WDR33: variants seen among roughly 807,000 people sequenced by gnomAD.
The protein encoded by WDR33 is WD repeat domain 33, also known as pre-mRNA 3' end processing protein WDR33.
WDR33 carries 47 observed loss-of-function variants against 164.9 expected under a neutral mutation model. The ratio of observed to expected loss-of-function variants is 0.29; its 90% CI spans 0.23 to 0.36. WDR33 has a LOEUF of 0.36. WDR33 is among the 10% of genes least tolerant of loss of function. WDR33 has a pLI of 1.00. For missense variants in WDR33, 1,137 were observed against 1,754.1 expected (o/e 0.65, Z 6.28); for synonymous variants, 505 against 589.0 (o/e 0.86, Z 2.06).
chr2:127,720,132 G>C lies in WDR33; in HGVS notation c.1893C>G (p.Pro631=). ...GACCTTGTGGTCCCATTTGTCCCTG[G>C]GGTCCAGGAGGCCTAAACTGTCCCT... ...GPQGQFRPPG[P]QGQMGPQGPP... is the part of the protein sequence containing the mutation. Residue 631 remains proline (P), a synonymous_variant, in exon 16 of 22, where the codon CCC becomes CCG. Transcript: ENST00000322313. This position sits in a 1 kb window ranked among gnomAD's most constrained non-coding sequence, Gnocchi z 5.9. The C allele has an allele frequency of 6.2e-7, 1 of 1,614,106 alleles. No individual in the cohort carries two copies. Among genetic ancestry groups the C allele is most frequent in the South Asian group, 1.1e-5 (1 of 91,080 alleles).
intron 7 of WDR33, among the ~76,000 whole-genome samples, chr2:127,755,519 A>C (rs1687493458): frequency 6.6e-6 from 1 of 152,224 alleles, no homozygotes; most frequent in African/African-American, 2.4e-5. Context: ...TTAAAAAAAT[A>C]GGATTATTTT....
intron 7 of WDR33, among the ~76,000 whole-genome samples, chr2:127,729,642 C>T (rs1314236097): frequency 6.6e-6 from 1 of 151,988 alleles, no homozygotes. Flanking sequence ...ACTACAGGCG[C>T]CCACCACCAC....
chr2:127,769,078 T>A, intron 2 of WDR33, 77 bp from the exon 3 acceptor site: 1 of 858,544 alleles, frequency 1.2e-6, no homozygotes, highest in Non-Finnish European at 1.5e-6. Context: ...ATACTCAATT[T>A]GAAATTAACA....
intron 7 of WDR33, among the ~76,000 whole-genome samples, chr2:127,761,822 C>G (rs1269892071): frequency 6.6e-6 from 1 of 152,182 alleles, no homozygotes; most frequent in East Asian, 1.9e-4. Flanking sequence ...TGAGTAAACT[C>G]CCTCAATGTG....
chr2:127,711,768 A>ATTTT lies in WDR33; in HGVS notation c.3308+1814_3308+1815insAAAA, dbSNP rs1441301170. Among the ~76,000 whole-genome samples, 435 of 70,216 alleles carry ATTTT rather than the reference A, an allele frequency of 6.2e-3. 9 individuals are homozygous for ATTTT. The highest frequency in any genetic ancestry group is 9.8e-3 in the Middle Eastern group (1 of 102). The allele number at this position is 70,216 out of a possible 152,430, so 46.1% of individuals were successfully genotyped here. On this transcript the variant is annotated intron_variant, in intron 18 of 21. Coordinates refer to ENST00000322313, the MANE Select transcript of WDR33 (RefSeq NM_018383.5). ...CATATACAGATATATATATATATAT[A>ATTTT]TATATATATATATTTTTTTTTTGAG...
chr2:127,731,093 G>T (rs1292456126), intron 7 of WDR33, among the ~76,000 whole-genome samples: 1 of 151,752 alleles, frequency 6.6e-6, no homozygotes, highest in Non-Finnish European at 1.5e-5. Context: ...CAGAAGTTTT[G>T]AGACCAGCCT....
intron 7 of WDR33, among the ~76,000 whole-genome samples, chr2:127,747,106 T>C (rs969634207): frequency 6.6e-6 from 1 of 152,226 alleles, no homozygotes; most frequent in Non-Finnish European, 1.5e-5. Context: ...CAAGGCACTT[T>C]AACCAAGAGA....
At position 127,720,195 on chromosome 2, in the gene WDR33, C is replaced by T; in HGVS notation, c.1830G>A (p.Met610Ile). 6.2e-7 allele frequency: 1 copy of T among 1,611,934 alleles called. No homozygotes were observed. Among genetic ancestry groups the T allele is most frequent in the Non-Finnish European group, 8.5e-7 (1 of 1,179,128 alleles). ...GCCCCATTTGAGCCATGTTCATTGGCATCTGCTGAGATGGATGGGGCTGTT... is the reference window on the plus strand; with the variant it reads ...GCCCCATTTGAGCCATGTTCATTGGTATCTGCTGAGATGGATGGGGCTGTT... ...GFQQPHPSQQ[M>I]PMNMAQMGPP... Residue 610 changes from methionine (M) to isoleucine (I), a missense_variant, in exon 16 of 22, where the codon ATG (methionine) becomes ATA (isoleucine). Physicochemically the swap from Met to Ile is conservative, Grantham distance 10 (BLOSUM62 1). Transcript: ENST00000322313. The surrounding 1 kb of genome is among the most constrained non-coding windows in gnomAD (Gnocchi z 5.9).
intron 7 of WDR33, among the ~76,000 whole-genome samples, chr2:127,756,836 C>G (rs567589774): frequency 2.0e-5 from 3 of 152,144 alleles, no homozygotes; most frequent in Non-Finnish European, 4.4e-5. Flanking sequence ...AATCCCAGCA[C>G]TTTGGGAGGC....
rs1193178744 is a variant in WDR33 at position 127,714,559 on chromosome 2, A to G, written c.2870-538T>C. Reference sequence around the variant, plus strand: ...GTACATGCAATCACCAGCCTCTCAAATACCTGCCTGATGACCAAACAGCCC... The same window carrying G: ...GTACATGCAATCACCAGCCTCTCAAGTACCTGCCTGATGACCAAACAGCCC... On this transcript the variant is annotated intron_variant, in intron 17 of 21. Coordinates refer to ENST00000322313, the MANE Select transcript of WDR33 (RefSeq NM_018383.5). The surrounding 1 kb of genome is among the most constrained non-coding windows in gnomAD (Gnocchi z 4.3). Among the ~76,000 whole-genome samples, 1 of 152,122 alleles carries G rather than the reference A, an allele frequency of 6.6e-6. No homozygotes were observed. The highest frequency in any genetic ancestry group is 1.5e-5 in the Non-Finnish European group (1 of 68,004).
At chr2:127,797,691 G>A (rs1257248252) in intron 1 of WDR33, among the ~76,000 whole-genome samples, 1 of 151,882 alleles carries the variant, frequency 6.6e-6, no homozygotes, top group Non-Finnish European at 1.5e-5. Flanking sequence ...GATCTCTAGA[G>A]GCAAAATAAT....
intron 1 of WDR33, among the ~76,000 whole-genome samples, chr2:127,785,586 G>A (rs1193240093): frequency 2.6e-5 from 4 of 152,126 alleles, no homozygotes; most frequent in African/African-American, 9.7e-5. Flanking sequence ...AGCATTTTGA[G>A]ACTGGCTTCT....
In WDR33 at chr2:127,729,060, A is replaced by G. The variant is rs185056193; in HGVS notation, c.725-2283T>C. The stretch of plus-strand genomic sequence containing the variant: ...AGTGAGGAATCTCATGAATTTACCC[A>G]TATCCATACACATCTCAAATATAAA... On this transcript the variant is annotated intron_variant, in intron 7 of 21. Transcript: ENST00000322313. 4.7e-4 allele frequency among the ~76,000 whole-genome samples: 72 copies of G among 152,376 alleles called. 1 individual carries two copies. Among genetic ancestry groups the G allele is most frequent in the African/African-American group, 1.7e-3 (69 of 41,600 alleles).
At chr2:127,798,383 AAAAAAAAAAAAAT>A (rs1439600643) in intron 1 of WDR33, among the ~76,000 whole-genome samples, 9 of 146,310 alleles carry the variant, frequency 6.2e-5, no homozygotes, top group African/African-American at 1.5e-4. Context: ...AAAAAAAAAA[AAAAAAAAAAAAAT>A]GAATTTAAAA....
At position 127,723,751 on chromosome 2, in the gene WDR33, A is replaced by C. The variant is rs1009778901; in HGVS notation, c.1197-404T>G. Among the ~76,000 whole-genome samples the C allele has an allele frequency of 1.3e-5, 2 of 149,994 alleles. No homozygotes were observed. The highest frequency in any genetic ancestry group is 2.5e-5 in the African/African-American group (1 of 40,566). Reference sequence around the variant, plus strand: ...ACTCTAGTCTCGGTGACAGAGTGAGACTCTGTCTCTTAAAATAATAATAAA... The same window carrying C: ...ACTCTAGTCTCGGTGACAGAGTGAGCCTCTGTCTCTTAAAATAATAATAAA... On this transcript the variant is annotated intron_variant, in intron 11 of 21. Coordinates refer to ENST00000322313, the MANE Select transcript of WDR33 (RefSeq NM_018383.5). The surrounding 1 kb of genome is among the most constrained non-coding windows in gnomAD (Gnocchi z 5.9).
rs1261911854 is a variant in WDR33, at chr2:127,781,113, C to T, written c.-23-10109G>A. ...TCCTGACCTCAAGTGATCCACCTGC[C>T]GCAGCCTCCCGAAGTGCTGGGATTA... On this transcript the variant is annotated intron_variant, in intron 1 of 21. Transcript: ENST00000322313. 2.0e-5 allele frequency among the ~76,000 whole-genome samples: 3 copies of T among 152,246 alleles called. No homozygotes were observed. In the East Asian group the frequency reaches 5.8e-4, roughly 29 times the overall value.
intron 1 of WDR33, among the ~76,000 whole-genome samples, chr2:127,772,167 T>C (rs1688026431): frequency 1.3e-5 from 2 of 150,672 alleles, no homozygotes; most frequent in Admixed American, 6.6e-5. Flanking sequence ...CTGGGCGCAG[T>C]GGCTCATGCC....
chr2:127,785,280 G>A (rs1176936580), intron 1 of WDR33, among the ~76,000 whole-genome samples: 1 of 152,046 alleles, frequency 6.6e-6, no homozygotes, highest in Non-Finnish European at 1.5e-5. Context: ...CATCAGTAGG[G>A]AACATTTGTT....
intron 8 of WDR33, 46 bp from the exon 9 acceptor site, chr2:127,725,261 A>G: frequency 6.5e-7 from 1 of 1,547,944 alleles, no homozygotes; most frequent in African/African-American, 1.4e-5. Flanking sequence ...CAAAACAAGT[A>G]TAAATACAAT....
Sources: gnomAD v4.1 joint callset for allele counts (sites outside exome capture counted in the v4.1 genomes callset) on GRCh38, gnomAD v4.1.1 for gene constraint, Gnocchi (gnomAD v3.1) non-coding constraint, MANE v1.5 for transcripts, NCBI Gene and HGNC (gene_info 2026-07-23, HGNC 2026-07-21) for gene names.